DMD: variants seen among roughly 807,000 people sequenced by gnomAD.
DMD encodes the protein dystrophin.
DMD carries 63 observed loss-of-function variants against 330.1 expected under a neutral mutation model. The ratio of observed to expected loss-of-function variants is 0.19; its 90% CI spans 0.16 to 0.24. DMD has a LOEUF of 0.24. Ranked by LOEUF, DMD falls within the 10% of genes least tolerant of loss-of-function variation. DMD has a pLI of 1.00. For synonymous variants in DMD, 1,223 were observed against 959.8 expected (o/e 1.27, Z -5.07); for missense variants, 3,344 against 2,684.1 (o/e 1.25, Z -5.43).
At chrX:32,873,954 G>A (rs2083191361) in intron 2 of DMD, among the ~76,000 whole-genome samples, 1 of 111,865 alleles carries the variant, frequency 8.9e-6, no homozygotes, top group East Asian at 2.8e-4. Flanking sequence ...ACATTTGTTT[G>A]CACATGAAAC....
At chrX:32,900,149 C>T (rs2086109744) in intron 2 of DMD, among the ~76,000 whole-genome samples, 1 of 111,813 alleles carries the variant, frequency 8.9e-6, no homozygotes, top group African/African-American at 3.3e-5. Flanking sequence ...ATCTTAAAAG[C>T]TGTTCTTCCA....
Position 31,233,148 on chromosome X carries a change from T to C in DMD, c.9287-10027A>G, listed in dbSNP as rs140104010. 1.2e-3 allele frequency among the ~76,000 whole-genome samples: 132 copies of C among 112,040 alleles called. 1 individual carries two copies. The highest frequency in any genetic ancestry group is 4.1e-3 in the South Asian group (11 of 2,660). ...CGACTTACAGTCACACAGGCCACTC[T>C]GGCTGCTGGAATAAACAATACTATT... On this transcript the variant is annotated intron_variant, in intron 63 of 78. Transcript: ENST00000357033.
chrX:32,435,019 AT>A (rs200287027), intron 29 of DMD, among the ~76,000 whole-genome samples: 27,469 of 108,076 alleles, frequency 0.25, 3,464 homozygotes, highest in East Asian at 0.65. Context: ...CTTATTTTAG[AT>A]TTATTGTTAT....
intron 55 of DMD, among the ~76,000 whole-genome samples, chrX:31,520,367 T>C (rs1191632983): frequency 1.8e-5 from 2 of 109,903 alleles, no homozygotes; most frequent in African/African-American, 6.7e-5. Flanking sequence ...CATTCACTCT[T>C]TCTCTCTCTC....
chrX:31,658,624 T>C (rs1162778457), intron 53 of DMD, among the ~76,000 whole-genome samples: 2 of 112,514 alleles, frequency 1.8e-5, no homozygotes, highest in African/African-American at 6.5e-5. Context: ...AAAAGAATAG[T>C]ACTGTTATTC....
chrX:31,144,333 G>A (rs997074154), intron 76 of DMD, among the ~76,000 whole-genome samples: 2 of 111,953 alleles, frequency 1.8e-5, no homozygotes, highest in African/African-American at 3.3e-5. Context: ...GCTCAGCAAC[G>A]TTGGTCTCAT....
chrX:31,651,575 A>C (rs1175472897), intron 54 of DMD, among the ~76,000 whole-genome samples: 3 of 111,345 alleles, frequency 2.7e-5, no homozygotes, highest in Non-Finnish European at 5.7e-5. Context: ...TAGGCATTTC[A>C]AATGTAACAT....
At chrX:32,211,566 A>G (rs2080495858) in intron 44 of DMD, among the ~76,000 whole-genome samples, 2 of 111,874 alleles carry the variant, frequency 1.8e-5, no homozygotes, top group Non-Finnish European at 3.8e-5. Flanking sequence ...TTTTCCCTAA[A>G]AACAGCAGTT....
At chrX:31,747,009 T>C (rs1162992352) in intron 51 of DMD, among the ~76,000 whole-genome samples, 1 of 111,820 alleles carries the variant, frequency 8.9e-6, no homozygotes, top group Non-Finnish European at 1.9e-5. Flanking sequence ...CATTAATCTA[T>C]TTCTTCTCAG....
rs370115882 is a variant in DMD at position 32,134,779 on chromosome X, T to C, written c.6438+82137A>G. ...TGAATAAAGAGAAATTCTTGATAAA[T>C]GAGGTATACTTTGAAGGCAAAATGT... On this transcript the variant is annotated intron_variant, in intron 44 of 78. Transcript: ENST00000357033. Among the ~76,000 whole-genome samples the C allele has an allele frequency of 3.6e-5, 4 of 111,496 alleles. No homozygotes were observed. The East Asian group carries it at 1.1e-3, about 31-fold the overall frequency.
chrX:32,646,072 T>C (rs934848750), intron 9 of DMD, among the ~76,000 whole-genome samples: 1 of 111,591 alleles, frequency 9.0e-6, no homozygotes, highest in African/African-American at 3.3e-5. Flanking sequence ...GCTGGAGCGC[T>C]CTGCGTGGCT....
At chrX:31,484,909 G>T (rs761097772) in intron 57 of DMD, among the ~76,000 whole-genome samples, 2 of 112,159 alleles carry the variant, frequency 1.8e-5, no homozygotes, top group Non-Finnish European at 3.8e-5. Context: ...TATATTTGTG[G>T]TGTATACTTT....
intron 2 of DMD, among the ~76,000 whole-genome samples, chrX:32,998,892 T>C (rs1216096475): frequency 8.9e-6 from 1 of 112,020 alleles, no homozygotes; most frequent in Non-Finnish European, 1.9e-5. Context: ...CACTCACAGC[T>C]AGTAATGTAA....
chrX:33,202,998 C>A (rs1453993516), intron 1 of DMD, among the ~76,000 whole-genome samples: 2 of 111,541 alleles, frequency 1.8e-5, no homozygotes, highest in African/African-American at 3.3e-5. Context: ...ACATTACATT[C>A]ATCCATGATT....
intron 17 of DMD, among the ~76,000 whole-genome samples, chrX:32,532,324 CT>C (rs1185925192): frequency 2.4e-4 from 27 of 111,951 alleles, no homozygotes; most frequent in African/African-American, 7.5e-4. Context: ...ATAAGTGCAG[CT>C]TCCATAGACT....
At chrX:33,010,199 C>CTTATGTGTGTAT (rs2093662656) in intron 2 of DMD, among the ~76,000 whole-genome samples, 8 of 84,139 alleles carry the variant, frequency 9.5e-5, no homozygotes, top group Admixed American at 5.8e-4. Context: ...TGTATATATG[C>CTTATGTGTGTAT]ATATGTGTGT....
chrX:31,791,610 A>G (rs1490517963), intron 50 of DMD, among the ~76,000 whole-genome samples: 2 of 112,142 alleles, frequency 1.8e-5, no homozygotes, highest in Non-Finnish European at 3.8e-5. Context: ...CCCACTGCTT[A>G]CCCCAAAAGT....
intron 1 of DMD, among the ~76,000 whole-genome samples, chrX:33,071,285 C>G (rs1033316740): frequency 7.3e-5 from 8 of 109,827 alleles, no homozygotes; most frequent in African/African-American, 2.3e-4. Context: ...ACCCCGTTTC[C>G]ACTAAAAATA....
intron 50 of DMD, among the ~76,000 whole-genome samples, chrX:31,796,979 A>G (rs1174614444): frequency 1.8e-5 from 2 of 111,747 alleles, no homozygotes; most frequent in Non-Finnish European, 3.8e-5. Flanking sequence ...AGAAGTTGGT[A>G]GTGGTGCCAT....
Sources: gnomAD v4.1 joint callset for allele counts (sites outside exome capture counted in the v4.1 genomes callset) on GRCh38, gnomAD v4.1.1 for gene constraint, MANE v1.5 for transcripts, NCBI Gene and HGNC (gene_info 2026-07-23, HGNC 2026-07-21) for gene names.